VPS37A: variants seen among roughly 807,000 people sequenced by gnomAD.
VPS37A encodes the protein VPS37A subunit of ESCRT-I, also known as vacuolar protein sorting-associated protein 37A.
A neutral mutation model predicts 49.8 loss-of-function variants in VPS37A; 30 were observed. That is an observed-to-expected ratio of 0.60 (90% CI 0.45 to 0.82). VPS37A has a LOEUF of 0.82. VPS37A is among the 40% of genes least tolerant of loss of function. The pLI is 0.00. For synonymous variants in VPS37A, 195 were observed against 160.6 expected (o/e 1.21, Z -1.62); for missense variants, 593 against 464.4 (o/e 1.28, Z -2.55).
chr8:17,265,657 A>G, intron 1 of VPS37A: 2 of 850,586 alleles, frequency 2.4e-6, no homozygotes, highest in Non-Finnish European at 3.5e-6. Context: ...ATTAATGAAG[A>G]GTTTTTTCTT....
At chr8:17,255,948 C>G (rs1485378928) in intron 1 of VPS37A, among the ~76,000 whole-genome samples, 1 of 152,154 alleles carries the variant, frequency 6.6e-6, no homozygotes, top group Non-Finnish European at 1.5e-5. Context: ...TTGATGTGTA[C>G]TTAAATTTAT....
At chr8:17,311,427 C>T in the VPS37A span, 1 of 1,562,540 alleles carries the variant, frequency 6.4e-7, no homozygotes, top group Non-Finnish European at 8.7e-7. Context: ...GGCAAGAAAA[C>T]AGCAGTTGCC....
chr8:17,307,637 A>G, the VPS37A span, among the ~76,000 whole-genome samples: 17 of 152,372 alleles, frequency 1.1e-4, no homozygotes, highest in African/African-American at 1.9e-4. Flanking sequence ...GAACCAACCT[A>G]TATGTCCAAC....
chr8:17,292,939 GCT>G (rs1816283184), intron 11 of VPS37A, among the ~76,000 whole-genome samples: 1 of 152,050 alleles, frequency 6.6e-6, no homozygotes, highest in Admixed American at 6.6e-5. Flanking sequence ...TCTTGGGTTT[GCT>G]CTTCTCAAGG....
chr8:17,324,266 A>T, the VPS37A span, among the ~76,000 whole-genome samples: 1 of 152,198 alleles, frequency 6.6e-6, no homozygotes, highest in Non-Finnish European at 1.5e-5. Context: ...TGATGAATAG[A>T]TGAGCGTCTG....
intron 4 of VPS37A, chr8:17,272,054 A>G (rs1041984876): frequency 1.1e-5 from 5 of 456,632 alleles, no homozygotes; most frequent in African/African-American, 2.0e-5. Context: ...TAGATCATCC[A>G]ATTCACTAGG....
chr8:17,266,166 GAAAC>G (rs1351708098), intron 2 of VPS37A, among the ~76,000 whole-genome samples, 185 bp downstream of exon 2: 1 of 152,106 alleles, frequency 6.6e-6, no homozygotes, highest in Non-Finnish European at 1.5e-5. Context: ...TTATAAGAAA[GAAAC>G]TAGAAAAGAG....
downstream of VPS37A, among the ~76,000 whole-genome samples, chr8:17,305,007 T>C (rs954176167): frequency 6.6e-6 from 1 of 152,096 alleles, no homozygotes; most frequent in African/African-American, 2.4e-5. Flanking sequence ...ACTGTTAGAA[T>C]TGGCTAGTCA....
chr8:17,283,191 T>G (rs1474051933), intron 9 of VPS37A, among the ~76,000 whole-genome samples: 1 of 152,136 alleles, frequency 6.6e-6, no homozygotes, highest in Admixed American at 6.5e-5. Context: ...TTTCTTACTC[T>G]GTCACCCAGG....
At chr8:17,286,538 A>G in intron 11 of VPS37A, 111 bp downstream of exon 11, 1 of 856,924 alleles carries the variant, frequency 1.2e-6, no homozygotes, top group Non-Finnish European at 1.8e-6. Flanking sequence ...CTGTCATTAT[A>G]GTTACTGTGC....
At chr8:17,331,336 T>C in the VPS37A span, 6 of 1,521,610 alleles carry the variant, frequency 3.9e-6, no homozygotes, top group African/African-American at 4.2e-5. Flanking sequence ...GAAACAATGA[T>C]GAAACAACCA....
At chr8:17,265,125 T>A (rs538912223) in intron 1 of VPS37A, among the ~76,000 whole-genome samples, 18 of 152,304 alleles carry the variant, frequency 1.2e-4, no homozygotes, top group Admixed American at 3.3e-4. Flanking sequence ...CTGCCTAGCT[T>A]TCCTTAGTGC....
downstream of VPS37A, chr8:17,299,674 G>T (rs1018082188): frequency 8.4e-6 from 6 of 710,396 alleles, no homozygotes; most frequent in South Asian, 8.6e-5. Context: ...TTTGATAAAT[G>T]AAATGACTAC....
At chr8:17,261,435 A>G (rs1047920641) in intron 1 of VPS37A, among the ~76,000 whole-genome samples, 6 of 152,082 alleles carry the variant, frequency 3.9e-5, no homozygotes, top group Non-Finnish European at 7.4e-5. Context: ...TTGTTCAGAG[A>G]GCTTACATAT....
At chr8:17,272,842 A>C (rs1318752712) in intron 4 of VPS37A, among the ~76,000 whole-genome samples, 1 of 102,764 alleles carries the variant, frequency 9.7e-6, no homozygotes, top group African/African-American at 5.5e-5. Context: ...GTATAGAGTG[A>C]AAATCTCCGT....
chr8:17,306,824 A>T (rs1488382588), downstream of VPS37A, among the ~76,000 whole-genome samples: 1 of 152,032 alleles, frequency 6.6e-6, no homozygotes, highest in African/African-American at 2.4e-5. Flanking sequence ...AGTGTTACCT[A>T]GGCTAGCCAT....
intron 1 of VPS37A, among the ~76,000 whole-genome samples, chr8:17,263,259 T>A (rs1563250118): frequency 6.6e-6 from 1 of 152,166 alleles, no homozygotes; most frequent in African/African-American, 2.4e-5. Flanking sequence ...AACTTTTTTT[T>A]AATGAGAATG....
intron 1 of VPS37A, among the ~76,000 whole-genome samples, chr8:17,254,195 C>T (rs1307903985): frequency 7.2e-5 from 11 of 151,986 alleles, no homozygotes; most frequent in Admixed American, 5.9e-4. Context: ...TTACTGTTTG[C>T]CATAGTCTGC....
chr8:17,306,336 G>T (rs1353849225), downstream of VPS37A, among the ~76,000 whole-genome samples: 1 of 151,722 alleles, frequency 6.6e-6, no homozygotes, highest in African/African-American at 2.4e-5. Flanking sequence ...CAACTTTAAG[G>T]CTCTTCATTT....
Sources: allele counts gnomAD v4.1 joint callset (sites outside exome capture counted in the v4.1 genomes callset), GRCh38; gene constraint gnomAD v4.1.1; transcripts MANE v1.5; gene names NCBI Gene and HGNC (gene_info 2026-07-23, HGNC 2026-07-21).